The following CYB5R3 variants were observed in gnomAD, a reference collection of about 807,000 sequenced individuals.
The protein encoded by CYB5R3 is NADH-cytochrome b5 reductase 3.
CYB5R3 carries 28 observed loss-of-function variants against 36.5 expected under a neutral mutation model. That is an observed-to-expected ratio of 0.77 (90% CI 0.57 to 1.05). The LOEUF (loss-of-function observed/expected upper bound fraction) is 1.05. Among genes scored for constraint, CYB5R3 ranks in the 50% least tolerant of loss-of-function variants. The pLI is 0.00. For missense variants in CYB5R3, 474 were observed against 408.9 expected, an observed-to-expected ratio of 1.16 and a Z score of -1.37; for synonymous variants, 181 against 159.8, an observed-to-expected ratio of 1.13 and a Z score of -1.00.
intron 1 of CYB5R3, among the ~76,000 whole-genome samples, chr22:42,638,233 T>C (rs1007686759): frequency 4.6e-5 from 7 of 151,272 alleles, no homozygotes; most frequent in Admixed American, 2.0e-4. Flanking sequence ...CCATCTCTAC[T>C]AAAAATACAA....
Position 42,627,601 on chromosome 22 carries a change from G to A in CYB5R3, c.547+4C>T. The A allele has an allele frequency of 6.2e-7, 1 of 1,613,264 alleles. No homozygotes were observed. Among genetic ancestry groups the A allele is most frequent in the Non-Finnish European group, 8.5e-7 (1 of 1,179,220 alleles). On this transcript the variant is annotated splice_donor_region_variant and intron_variant, in intron 6 of 8. Transcript: ENST00000352397. ...CGGACGCCTCAGTGGGGGGTTCCGT[G>A]TACCTGTCCCTCCCGCGATCATGCC...
intron 1 of CYB5R3, among the ~76,000 whole-genome samples, chr22:42,644,233 A>G (rs1246782424): frequency 6.6e-6 from 1 of 152,090 alleles, no homozygotes; most frequent in Non-Finnish European, 1.5e-5. Flanking sequence ...TCACAGCCCA[A>G]ATCTGACATC....
intron 7 of CYB5R3, among the ~76,000 whole-genome samples, chr22:42,626,804 G>A (rs190604082): frequency 1.7e-4 from 26 of 150,282 alleles, no homozygotes; most frequent in African/African-American, 4.5e-4. Context: ...AAAGTAGCTC[G>A]TCCAAGACCA....
At chr22:42,627,013 G>A (rs936096338) in intron 7 of CYB5R3, among the ~76,000 whole-genome samples, 12 of 152,176 alleles carry the variant, frequency 7.9e-5, no homozygotes, top group East Asian at 1.9e-4. Flanking sequence ...GTTCCACACC[G>A]TGCTCATGGT....
chr22:42,648,566 G>A (rs60631826), intron 1 of CYB5R3, among the ~76,000 whole-genome samples: 21,058 of 152,204 alleles, frequency 0.14, 2,055 homozygotes, highest in East Asian at 0.58. Flanking sequence ...AGCGTTGTGG[G>A]ACGGTGGCCA....
At chr22:42,644,359 A>C in intron 1 of CYB5R3, 1 of 702,634 alleles carries the variant, frequency 1.4e-6, no homozygotes, top group East Asian at 2.7e-5. Context: ...ACCTGAAGGC[A>C]CCCTCTCTAT....
chr22:42,619,997 C>T, intron 8 of CYB5R3, 52 bp from the exon 9 acceptor site: 1 of 1,519,688 alleles, frequency 6.6e-7, no homozygotes, highest in Non-Finnish European at 9.0e-7. Flanking sequence ...GGTCACCAAC[C>T]TGCTGACCGA....
chr22:42,619,874 GCTC>G lies in CYB5R3; in HGVS notation c.802_804del (p.Glu268del). The G allele has an allele frequency of 6.2e-7, 1 of 1,608,238 alleles. No individual in the cohort carries two copies. Among genetic ancestry groups the G allele is most frequent in the South Asian group, 1.1e-5 (1 of 89,862 alleles). ...GGGGGGCCACACATCAGCACCAGCG[GCTC>G]CTCCTCTGGGGGTGGAAGGTGGTCC... On this transcript the variant is annotated inframe_deletion, in exon 9 of 9. Transcript: ENST00000352397.
intron 1 of CYB5R3, chr22:42,644,289 G>A (rs1164493222): frequency 3.0e-6 from 2 of 664,748 alleles, no homozygotes; most frequent in Non-Finnish European, 5.5e-6. Context: ...AGCCCCGGGG[G>A]TCCGAACCAA....
intron 1 of CYB5R3, among the ~76,000 whole-genome samples, chr22:42,642,674 G>A (rs1334922175): frequency 1.3e-5 from 2 of 151,994 alleles, no homozygotes; most frequent in African/African-American, 2.4e-5. Context: ...TCCTGACCTC[G>A]TGATCCGCCC....
intron 5 of CYB5R3, among the ~76,000 whole-genome samples, 178 bp from the exon 6 acceptor site, chr22:42,627,866 A>G (rs1928373034): frequency 1.3e-5 from 2 of 152,110 alleles, no homozygotes; most frequent in South Asian, 4.1e-4. Context: ...GGGAACCCGG[A>G]GGCTCAGCTC....
At chr22:42,639,843 C>CTT (rs59947151) in intron 1 of CYB5R3, 1,570 of 1,009,076 alleles carry the variant, frequency 1.6e-3, no homozygotes, top group South Asian at 3.5e-3. Flanking sequence ...GCTTGATTCA[C>CTT]TTTTTTTTTT....
chr22:42,640,334 G>A (rs1319459059), intron 1 of CYB5R3: 1 of 1,260,302 alleles, frequency 7.9e-7, no homozygotes, highest in Non-Finnish European at 1.0e-6. Context: ...CCCCCGGAAG[G>A]ACCCTGCGTG....
intron 1 of CYB5R3, among the ~76,000 whole-genome samples, chr22:42,639,337 G>A (rs1484897528): frequency 7.6e-6 from 1 of 131,688 alleles, no homozygotes. Flanking sequence ...AAAAAAAAAA[G>A]TGGGGGGGGA....
At chr22:42,637,746 GTCA>G (rs1348422334) in intron 1 of CYB5R3, among the ~76,000 whole-genome samples, 1 of 152,194 alleles carries the variant, frequency 6.6e-6, no homozygotes, top group Non-Finnish European at 1.5e-5. Context: ...GGTAGGCACT[GTCA>G]TCACCACCAT....
intron 4 of CYB5R3, 65 bp from the exon 5 acceptor site, chr22:42,628,346 A>G (rs1339588107): frequency 1.2e-6 from 2 of 1,600,040 alleles, no homozygotes; most frequent in African/African-American, 1.3e-5. Context: ...TCTTGCCCAC[A>G]GTGGGAGACA....
At chr22:42,646,863 T>C (rs946049444) in intron 1 of CYB5R3, 1 of 984,960 alleles carries the variant, frequency 1.0e-6, no homozygotes, top group Non-Finnish European at 1.2e-6. Flanking sequence ...CCAGGGACAG[T>C]AGGAAAGCCC....
intron 7 of CYB5R3, among the ~76,000 whole-genome samples, chr22:42,626,287 G>A (rs561111847): frequency 1.3e-5 from 2 of 152,212 alleles, no homozygotes; most frequent in African/African-American, 4.8e-5. Context: ...TCCAGCCTGA[G>A]GGACAAGAGC....
intron 2 of CYB5R3, among the ~76,000 whole-genome samples, chr22:42,635,072 T>G (rs5758822): frequency 0.3 from 44,945 of 148,250 alleles, 7,435 homozygotes; most frequent in South Asian, 0.41. Flanking sequence ...CAGGTTCACG[T>G]CATTCTCCTG....
Sources: allele counts gnomAD v4.1 joint callset (sites outside exome capture counted in the v4.1 genomes callset), GRCh38; gene constraint gnomAD v4.1.1; transcripts MANE v1.5; gene names NCBI Gene and HGNC (gene_info 2026-07-23, HGNC 2026-07-21).